CCSER1: variants seen among roughly 807,000 people sequenced by gnomAD.
CCSER1 encodes the protein coiled-coil serine rich protein 1.
CCSER1 carries 41 observed loss-of-function variants against 82.0 expected under a neutral mutation model. The observed-to-expected ratio is 0.50, with a 90% CI of 0.39 to 0.65. The LOEUF (loss-of-function observed/expected upper bound fraction) is 0.65, where lower values mean the gene tolerates loss of function less well. Ranked by LOEUF, CCSER1 falls within the 30% of genes least tolerant of loss-of-function variation. The probability of loss-of-function intolerance (pLI) is 0.00; values close to 1 mark genes in which losing one functional copy is unlikely to be tolerated. For synonymous variants in CCSER1, 414 were observed against 383.9 expected (o/e 1.08, Z -0.92); for missense variants, 1,119 against 1,064.2 (o/e 1.05, Z -0.72).
intron 4 of CCSER1, among the ~76,000 whole-genome samples, chr4:90,433,202 C>T (rs2153567773): frequency 6.6e-6 from 1 of 152,180 alleles, no homozygotes; most frequent in South Asian, 2.1e-4. Context: ...CATTAGCGCC[C>T]CACATTTTGC....
intron 3 of CCSER1, among the ~76,000 whole-genome samples, chr4:90,372,083 TG>T (rs1312980043): frequency 1.3e-5 from 2 of 152,168 alleles, no homozygotes; most frequent in Non-Finnish European, 2.9e-5. Flanking sequence ...TGGATATGCT[TG>T]TTTTTTTCAA....
At chr4:90,880,876 G>A (rs2150071937) in intron 8 of CCSER1, among the ~76,000 whole-genome samples, 1 of 151,958 alleles carries the variant, frequency 6.6e-6, no homozygotes, top group East Asian at 2.0e-4. Flanking sequence ...CATCCTGCCT[G>A]GCTTTTCTCC....
At chr4:90,750,286 C>G (rs1329409988) in intron 7 of CCSER1, among the ~76,000 whole-genome samples, 4 of 152,064 alleles carry the variant, frequency 2.6e-5, no homozygotes, top group African/African-American at 9.7e-5. Flanking sequence ...TGCAGAAGCT[C>G]TTTAGTTTAA....
At chr4:91,469,285 C>T (rs1427345514) in intron 10 of CCSER1, among the ~76,000 whole-genome samples, 1 of 152,102 alleles carries the variant, frequency 6.6e-6, no homozygotes, top group Non-Finnish European at 1.5e-5. Flanking sequence ...TATAAGATAA[C>T]AATGAGACAT....
At chr4:90,838,283 G>A (rs963753952) in intron 8 of CCSER1, among the ~76,000 whole-genome samples, 2 of 151,198 alleles carry the variant, frequency 1.3e-5, no homozygotes, top group East Asian at 1.9e-4. Context: ...AGTGACCCTG[G>A]AAGCTTTCTT....
At chr4:90,874,942 A>C (rs1767006381) in intron 8 of CCSER1, among the ~76,000 whole-genome samples, 1 of 152,126 alleles carries the variant, frequency 6.6e-6, no homozygotes, top group Non-Finnish European at 1.5e-5. Context: ...GCTACTCAGA[A>C]GGCTGCGGCA....
chr4:90,234,534 T>C (rs1013072395), intron 1 of CCSER1, among the ~76,000 whole-genome samples: 7 of 152,106 alleles, frequency 4.6e-5, no homozygotes, highest in Admixed American at 2.0e-4. Flanking sequence ...TCTTATTCTT[T>C]TGAAAATGCT....
chr4:90,586,864 C>T (rs1203103057), intron 5 of CCSER1, among the ~76,000 whole-genome samples: 1 of 152,164 alleles, frequency 6.6e-6, no homozygotes, highest in African/African-American at 2.4e-5. Context: ...AATGGCCTTT[C>T]AAAGATGTCT....
chr4:90,932,978 GAAAGAGAA>G lies in CCSER1; in HGVS notation c.2172+9533_2172+9540del, dbSNP rs1561384992. Among the ~76,000 whole-genome samples, 43 of 27,868 alleles carry G rather than the reference GAAAGAGAA, an allele frequency of 1.5e-3. 4 individuals are homozygous for G. The highest frequency in any genetic ancestry group is 4.8e-3 in the Admixed American group (13 of 2,684). 18.3% of individuals were successfully genotyped at this position (27,868 alleles called of 152,430 possible). On this transcript the variant is annotated intron_variant, in intron 9 of 10. Coordinates refer to ENST00000509176, the MANE Select transcript of CCSER1 (RefSeq NM_001145065.2). ...AGAAAGAAAGAAAGAAAGAAAGAAA[GAAAGAGAA>G]AGAAAGAAAGAAAGAAAGAAAGAAA...
At chr4:90,342,784 A>G (rs557881118) in intron 3 of CCSER1, among the ~76,000 whole-genome samples, 1 of 152,210 alleles carries the variant, frequency 6.6e-6, no homozygotes, top group East Asian at 1.9e-4. Flanking sequence ...TAGTTTCCTC[A>G]TTGTTACCAT....
chr4:90,717,953 G>A (rs1469370444), intron 6 of CCSER1, among the ~76,000 whole-genome samples: 1 of 151,842 alleles, frequency 6.6e-6, no homozygotes, highest in East Asian at 1.9e-4. Flanking sequence ...GAAGTTTAAT[G>A]TGTACTCAAT....
chr4:90,581,405 A>T (rs976515472), intron 5 of CCSER1, among the ~76,000 whole-genome samples: 3 of 152,152 alleles, frequency 2.0e-5, no homozygotes, highest in African/African-American at 7.2e-5. Context: ...AGATAGAATG[A>T]TGAAATGATC....
Position 91,604,648 on chromosome 4 carries a change from T to A in CCSER1, c.*5591T>A, listed in dbSNP as rs1419187846. 6.6e-6 allele frequency: 1 copy of A among 152,074 alleles called. No individual in the cohort carries two copies. The highest frequency in any genetic ancestry group is 6.6e-5 in the Admixed American group (1 of 15,248). The allele number at this position is 152,074 out of a possible 1,614,324, so 9.4% of individuals were successfully genotyped here. On this transcript the variant is annotated 3_prime_UTR_variant, in exon 11 of 11. Coordinates refer to ENST00000509176, the MANE Select transcript of CCSER1 (RefSeq NM_001145065.2). Reference sequence around the variant, plus strand: ...CCTTCATAGGACATTGATACAGACATCATCAAATTCCTGTTTGTATTGCCT... The same window carrying A: ...CCTTCATAGGACATTGATACAGACAACATCAAATTCCTGTTTGTATTGCCT...
At chr4:90,545,545 G>A (rs1430733850) in intron 5 of CCSER1, among the ~76,000 whole-genome samples, 1 of 152,074 alleles carries the variant, frequency 6.6e-6, no homozygotes, top group Non-Finnish European at 1.5e-5. Flanking sequence ...CAGGTACTCT[G>A]CTTTCTAATC....
intron 7 of CCSER1, among the ~76,000 whole-genome samples, chr4:90,794,708 G>A (rs1755746505): frequency 6.6e-6 from 1 of 152,116 alleles, no homozygotes; most frequent in Non-Finnish European, 1.5e-5. Context: ...TGTGAAGAAT[G>A]TCAGTGGTAG....
At chr4:91,595,941 C>CT (rs1193309602) in intron 10 of CCSER1, among the ~76,000 whole-genome samples, 1 of 38,126 alleles carries the variant, frequency 2.6e-5, no homozygotes, top group African/African-American at 1.3e-4. Flanking sequence ...TCACAGAGAA[C>CT]TTAAAAAAAA....
chr4:90,357,354 C>T (rs62312891), intron 3 of CCSER1, among the ~76,000 whole-genome samples: 1 of 151,440 alleles, frequency 6.6e-6, no homozygotes, highest in African/African-American at 2.4e-5. Context: ...AGTCTTTTTG[C>T]GTGATTTTTT....
At chr4:90,509,185 G>GT (rs1771133907) in intron 5 of CCSER1, among the ~76,000 whole-genome samples, 1 of 151,986 alleles carries the variant, frequency 6.6e-6, no homozygotes, top group South Asian at 2.1e-4. Flanking sequence ...CAAAAAGAGC[G>GT]TTTTTTATAG....
chr4:90,907,252 G>A (rs1725625124), intron 8 of CCSER1, among the ~76,000 whole-genome samples: 1 of 152,070 alleles, frequency 6.6e-6, no homozygotes, highest in Non-Finnish European at 1.5e-5. Context: ...CCAGTTTATA[G>A]ATGAATAAAA....
Sources: allele counts gnomAD v4.1 joint callset (sites outside exome capture counted in the v4.1 genomes callset), GRCh38; gene constraint gnomAD v4.1.1; transcripts MANE v1.5; gene names NCBI Gene and HGNC (gene_info 2026-07-23, HGNC 2026-07-21).